NTM: variants seen among roughly 807,000 people sequenced by gnomAD.
The protein encoded by NTM is IgLON family member 2.
In NTM, 13 loss-of-function variants were observed where a neutral mutation model predicts 42.1. The observed-to-expected ratio is 0.31, with a 90% CI of 0.20 to 0.49. The LOEUF (loss-of-function observed/expected upper bound fraction) is 0.49. Among genes scored for constraint, NTM ranks in the 20% least tolerant of loss-of-function variants. The pLI is 0.99. For missense variants in NTM, 373 were observed against 452.8 expected (o/e 0.82, Z 1.60); for synonymous variants, 187 against 179.2 (o/e 1.04, Z -0.35).
intron 1 of NTM, among the ~76,000 whole-genome samples, chr11:131,615,669 C>T (rs534886507): frequency 6.6e-6 from 1 of 152,270 alleles, no homozygotes; most frequent in African/African-American, 2.4e-5. Flanking sequence ...CGCACCCGGC[C>T]GTAGCAAGTT....
intron 2 of NTM, among the ~76,000 whole-genome samples, chr11:132,098,695 G>A (rs1385544000): frequency 6.6e-6 from 1 of 152,226 alleles, no homozygotes. Flanking sequence ...GGCAAATATA[G>A]CCCCACAAGT....
intron 1 of NTM, among the ~76,000 whole-genome samples, chr11:131,506,811 G>C (rs1023944646): frequency 6.6e-6 from 1 of 152,170 alleles, no homozygotes; most frequent in Admixed American, 6.5e-5. Flanking sequence ...CAAGACCTAA[G>C]GATATCTACC....
chr11:131,943,670 C>T (rs1050194535), intron 2 of NTM, among the ~76,000 whole-genome samples: 2 of 152,176 alleles, frequency 1.3e-5, no homozygotes, highest in African/African-American at 4.8e-5. Context: ...AGCTAGTTGG[C>T]CCAAGCATGG....
chr11:132,241,674 T>G (rs903765286), intron 4 of NTM, among the ~76,000 whole-genome samples: 1 of 152,198 alleles, frequency 6.6e-6, no homozygotes, highest in Non-Finnish European at 1.5e-5. Flanking sequence ...TGTTCCGTAC[T>G]CCTAATACTA....
At chr11:131,668,303 T>C (rs986658477) in intron 1 of NTM, among the ~76,000 whole-genome samples, 3 of 152,152 alleles carry the variant, frequency 2.0e-5, no homozygotes, top group African/African-American at 7.2e-5. Flanking sequence ...TGTAAATAAA[T>C]ATCTTCTACA....
intron 1 of NTM, among the ~76,000 whole-genome samples, chr11:131,831,370 C>T (rs2042796379): frequency 6.6e-6 from 1 of 152,172 alleles, no homozygotes; most frequent in South Asian, 2.1e-4. Context: ...GGAGAAAGGA[C>T]TAGTATCTGC....
At chr11:132,088,788 T>C (rs2060048345) in intron 2 of NTM, among the ~76,000 whole-genome samples, 1 of 152,232 alleles carries the variant, frequency 6.6e-6, no homozygotes, top group Non-Finnish European at 1.5e-5. Flanking sequence ...TCAGAGGTTC[T>C]CTGAGGACAC....
chr11:131,770,955 G>T (rs942061205), intron 1 of NTM: 5 of 152,140 alleles, frequency 3.3e-5, no homozygotes, highest in African/African-American at 9.7e-5. Context: ...CCAAACAGTG[G>T]TTTTTTGCAG....
intron 2 of NTM, among the ~76,000 whole-genome samples, chr11:132,011,842 T>C (rs1304308796): frequency 1.3e-5 from 2 of 152,186 alleles, no homozygotes; most frequent in Non-Finnish European, 2.9e-5. Flanking sequence ...ATTCCTAAGC[T>C]TGTAATACCT....
At chr11:131,604,874 T>C (rs2060803851) in intron 1 of NTM, among the ~76,000 whole-genome samples, 1 of 138,848 alleles carries the variant, frequency 7.2e-6, no homozygotes, top group Non-Finnish European at 1.6e-5. Context: ...ATATTATATA[T>C]GTGAGGGTTT....
intron 2 of NTM, among the ~76,000 whole-genome samples, chr11:132,089,344 A>T (rs188469300): frequency 4.9e-4 from 74 of 152,316 alleles, no homozygotes; most frequent in African/African-American, 1.7e-3. Flanking sequence ...CTTCAAAAAA[A>T]TGCTTCAGGA....
intron 1 of NTM, among the ~76,000 whole-genome samples, chr11:131,451,515 T>G (rs1950489560): frequency 6.6e-6 from 1 of 152,114 alleles, no homozygotes; most frequent in Admixed American, 6.5e-5. Flanking sequence ...GGGGGTCCCA[T>G]GCAGGAACTG....
At chr11:131,513,921 C>A (rs2048569233) in intron 1 of NTM, among the ~76,000 whole-genome samples, 1 of 152,040 alleles carries the variant, frequency 6.6e-6, no homozygotes, top group Admixed American at 6.6e-5. Flanking sequence ...AGCAAATGTC[C>A]CTTCCCAGCA....
chr11:132,225,249 A>G (rs925249048), intron 4 of NTM, among the ~76,000 whole-genome samples: 2 of 152,150 alleles, frequency 1.3e-5, no homozygotes, highest in Non-Finnish European at 2.9e-5. Context: ...GAGTGTAGGC[A>G]ATATTCAATA....
chr11:132,212,806 G>A (rs1043927386), intron 4 of NTM, among the ~76,000 whole-genome samples: 23 of 152,148 alleles, frequency 1.5e-4, no homozygotes, highest in African/African-American at 5.1e-4. Flanking sequence ...GCTTTTATTT[G>A]GGAACAAGAA....
chr11:131,712,174 AAAAAAAAAAAC>A (rs1396214312), intron 1 of NTM, among the ~76,000 whole-genome samples: 1 of 98,590 alleles, frequency 1.0e-5, no homozygotes, highest in Non-Finnish European at 2.2e-5. Context: ...TTAAAAAATT[AAAAAAAAAAAC>A]AAAAAAAAAC....
At chr11:132,314,245 C>T (rs2095363818) in intron 6 of NTM, among the ~76,000 whole-genome samples, 1 of 152,190 alleles carries the variant, frequency 6.6e-6, no homozygotes, top group South Asian at 2.1e-4. Flanking sequence ...CTGAATGCCA[C>T]ACAGCTGGCA....
chr11:131,786,810 A>G (rs1470437522), intron 1 of NTM, among the ~76,000 whole-genome samples: 1 of 152,222 alleles, frequency 6.6e-6, no homozygotes, highest in African/African-American at 2.4e-5. Flanking sequence ...GCACGTCTGA[A>G]GAGGCATTCT....
chr11:131,597,636 C>A (rs2059927818), intron 1 of NTM, among the ~76,000 whole-genome samples: 1 of 152,204 alleles, frequency 6.6e-6, no homozygotes, highest in South Asian at 2.1e-4. Context: ...ATGGTCCTGT[C>A]CCTGAGCTTT....
Sources: gnomAD v4.1 joint callset for allele counts (sites outside exome capture counted in the v4.1 genomes callset) on GRCh38, gnomAD v4.1.1 for gene constraint, MANE v1.5 for transcripts, NCBI Gene and HGNC (gene_info 2026-07-23, HGNC 2026-07-21) for gene names.